Variants in C22orf31 observed in about 807,000 individuals in gnomAD.
The protein encoded by C22orf31 is uncharacterized protein C22orf31.
A neutral mutation model predicts 15.0 loss-of-function variants in C22orf31; 11 were observed. That is an observed-to-expected ratio of 0.73 (90% CI 0.46 to 1.21). The LOEUF is 1.21. Ranked by LOEUF, C22orf31 falls within the 50% of genes most tolerant of loss-of-function variation. C22orf31 has a pLI of 0.00. For synonymous variants in C22orf31, 132 were observed against 133.3 expected, an observed-to-expected ratio of 0.99 and a Z score of 0.07; for missense variants, 340 against 347.2, an observed-to-expected ratio of 0.98 and a Z score of 0.17.
At chr22:29,066,922 C>T in the C22orf31 span, among the ~76,000 whole-genome samples, 1 of 152,096 alleles carries the variant, frequency 6.6e-6, no homozygotes, top group Non-Finnish European at 1.5e-5. Context: ...CACCTGGATG[C>T]CCCACAGACA....
chr22:29,069,499 C>A, the C22orf31 span, among the ~76,000 whole-genome samples: 1 of 152,174 alleles, frequency 6.6e-6, no homozygotes, highest in Non-Finnish European at 1.5e-5. Flanking sequence ...CGGACACCAA[C>A]ATCTTTCTGG....
chr22:29,073,050 C>T, the C22orf31 span: 3 of 262,256 alleles, frequency 1.1e-5, no homozygotes, highest in South Asian at 1.3e-4. The surrounding 1 kb of genome is among the most constrained non-coding windows in gnomAD (Gnocchi z 4.4). Context: ...GGCCCCGCGT[C>T]CTGCTCCCAT....
chr22:29,059,933 C>T, intron 2 of C22orf31: 1 of 984,600 alleles, frequency 1.0e-6, no homozygotes, highest in Non-Finnish European at 1.2e-6. Context: ...CTGGGGCATT[C>T]TTCCACTCTG....
chr22:29,060,809 G>C lies in C22orf31; in HGVS notation c.38C>G (p.Pro13Arg), dbSNP rs41281611. The C allele has an allele frequency of 1.2e-6, 2 of 1,613,994 alleles. No homozygotes were observed. Among genetic ancestry groups the C allele is most frequent in the South Asian group, 1.1e-5 (1 of 91,070 alleles). Reference sequence around the variant, plus strand: ...GATGGACTGTCGGAGTCCATAGATAGGGATGCTGGGGTCTCGTCTCACATT... The same window carrying C: ...GATGGACTGTCGGAGTCCATAGATACGGATGCTGGGGTCTCGTCTCACATT... ...PINVRRDPSIPIYGLRQSILL... is the reference protein window; with the variant it reads ...PINVRRDPSIRIYGLRQSILL... Residue 13 changes from proline to arginine, a missense_variant, in exon 2 of 3, where the codon CCT (proline) becomes CGT (arginine). Physicochemically the swap from Pro to Arg is moderately radical, Grantham distance 103. Transcript: ENST00000216071.
At chr22:29,071,876 T>G in the C22orf31 span, among the ~76,000 whole-genome samples, 14 of 152,332 alleles carry the variant, frequency 9.2e-5, no homozygotes, top group African/African-American at 3.4e-4. Flanking sequence ...CAGTACTGTC[T>G]CATCCATTTC....
the C22orf31 span, among the ~76,000 whole-genome samples, chr22:29,067,891 G>A: frequency 6.6e-6 from 1 of 152,070 alleles, no homozygotes; most frequent in Non-Finnish European, 1.5e-5. Flanking sequence ...GATTACAAAT[G>A]TGAGCCACCA....
the C22orf31 span, among the ~76,000 whole-genome samples, chr22:29,069,331 T>TA: frequency 1.3e-5 from 2 of 152,130 alleles, no homozygotes; most frequent in African/African-American, 4.8e-5. Flanking sequence ...GCTCTTTCCA[T>TA]AAAATGACTG....
At chr22:29,073,266 A>C in the C22orf31 span, 1 of 946,030 alleles carries the variant, frequency 1.1e-6, no homozygotes, top group Non-Finnish European at 1.3e-6. This position sits in a 1 kb window ranked among gnomAD's most constrained non-coding sequence, Gnocchi z 4.4. Flanking sequence ...CCCTGAGCGG[A>C]GCCCACTCGA....
At chr22:29,071,718 G>T in the C22orf31 span, among the ~76,000 whole-genome samples, 2 of 152,152 alleles carry the variant, frequency 1.3e-5, no homozygotes, top group South Asian at 4.1e-4. Flanking sequence ...GGAGGAGGAC[G>T]GCCCACGACC....
At chr22:29,061,520 C>T (rs1382442202) in intron 1 of C22orf31, among the ~76,000 whole-genome samples, 1 of 152,126 alleles carries the variant, frequency 6.6e-6, no homozygotes, top group Admixed American at 6.5e-5. Context: ...CCCGCCTCAG[C>T]CTCCCAAAGT....
chr22:29,059,172 C>CT lies in C22orf31; in HGVS notation c.442dup (p.Ser148LysfsTer14). The CT allele has an allele frequency of 1.2e-6, 2 of 1,604,980 alleles. No individual in the cohort carries two copies. The highest frequency in any genetic ancestry group is 1.7e-6 in the Non-Finnish European group (2 of 1,175,912). ...GACTGTTAGTTTTTTCTCCTTTGAA[C>CT]TTTCTTTACTCTAGCCAGGAAGAAA... On this transcript the variant is annotated frameshift_variant, in exon 3 of 3. Coordinates refer to ENST00000216071, the MANE Select transcript of C22orf31 (RefSeq NM_015370.2). LOFTEE classifies it low-confidence loss of function (END_TRUNC).
chr22:29,060,565 G>A lies in C22orf31; in HGVS notation c.282C>T (p.Cys94=), dbSNP rs535555409. ...TCGAGAGTTTTCCTTCTCCAAACTTGCATGGTGGTGGGCAGCACTTATTCT... is the reference window on the plus strand; with the variant it reads ...TCGAGAGTTTTCCTTCTCCAAACTTACATGGTGGTGGGCAGCACTTATTCT... ...QLKNKCCPPP[C]KFGEGKLSKR... is the part of the protein sequence containing the mutation. Residue 94 remains cysteine (C), a synonymous_variant, in exon 2 of 3, where the codon TGC becomes TGT. Transcript: ENST00000216071. The A allele has an allele frequency of 6.2e-7, 1 of 1,614,136 alleles. No individual in the cohort carries two copies. Among genetic ancestry groups the A allele is most frequent in the South Asian group, 1.1e-5 (1 of 91,086 alleles).
chr22:29,072,215 G>A, the C22orf31 span, among the ~76,000 whole-genome samples: 1 of 152,098 alleles, frequency 6.6e-6, no homozygotes, highest in African/African-American at 2.4e-5. Context: ...TGCGAAGAAG[G>A]CTCACTGCAA....
chr22:29,064,212 C>T (rs1396958561), upstream of C22orf31, among the ~76,000 whole-genome samples: 1 of 152,196 alleles, frequency 6.6e-6, no homozygotes, highest in Non-Finnish European at 1.5e-5. Flanking sequence ...ACCGTGATGC[C>T]TGGCCTCTCT....
chr22:29,060,670 A>G lies in C22orf31; in HGVS notation c.177T>C (p.Thr59=). 1 of 1,614,140 alleles carries G rather than the reference A, an allele frequency of 6.2e-7. No individual in the cohort carries two copies. Among genetic ancestry groups the G allele is most frequent in the Non-Finnish European group, 8.5e-7 (1 of 1,180,024 alleles). ...QNINAPAPAT[T]SSWEVVRNPL... ...GGTTCCTTACAACTTCCCAAGAGGA[A>G]GTGGTAGCTGGTGCTGGGGCATTAA... The change falls in exon 2 of 3, where the codon ACT becomes ACC. Residue 59 remains threonine (T), a synonymous_variant. Transcript: ENST00000216071.
the C22orf31 span, among the ~76,000 whole-genome samples, chr22:29,071,598 A>G: frequency 6.6e-6 from 1 of 150,934 alleles, no homozygotes; most frequent in Non-Finnish European, 1.5e-5. Context: ...GCCCGGGACC[A>G]GGGACTTGAA....
In C22orf31 at chr22:29,060,762, C is replaced by T; in HGVS notation, c.85G>A (p.Asp29Asn). The T allele has an allele frequency of 6.2e-7, 1 of 1,614,038 alleles. No homozygotes were observed. The highest frequency in any genetic ancestry group is 2.2e-5 in the East Asian group (1 of 44,868). ...QSILLNTRLQ[D>N]CYVDSPALTN... Reference sequence around the variant, plus strand: ...AGAGCCGGTGAGTCCACATAGCAGTCCTGAAGCCTGGTATTTAATAAGATG... The same window carrying T: ...AGAGCCGGTGAGTCCACATAGCAGTTCTGAAGCCTGGTATTTAATAAGATG... The change falls in exon 2 of 3, where the codon GAC becomes AAC. Residue 29 changes from aspartate to asparagine, a missense_variant. Asp to Asn is a conservative substitution (Grantham distance 23). Transcript: ENST00000216071.
chr22:29,063,141 G>A (rs909103365), upstream of C22orf31, among the ~76,000 whole-genome samples: 3 of 151,914 alleles, frequency 2.0e-5, no homozygotes, highest in Non-Finnish European at 2.9e-5. Flanking sequence ...ACACTCATCC[G>A]TTAGATTTAC....
At chr22:29,069,514 C>T in the C22orf31 span, among the ~76,000 whole-genome samples, 4 of 152,000 alleles carry the variant, frequency 2.6e-5, no homozygotes, top group Non-Finnish European at 5.9e-5. Flanking sequence ...TTCTGGAGGC[C>T]CAGGAGCTGC....
Sources: gnomAD v4.1 joint callset for allele counts (sites outside exome capture counted in the v4.1 genomes callset) on GRCh38, gnomAD v4.1.1 for gene constraint, Gnocchi (gnomAD v3.1) non-coding constraint, MANE v1.5 for transcripts, NCBI Gene and HGNC (gene_info 2026-07-23, HGNC 2026-07-21) for gene names.